Variants in PTPN4 observed in about 807,000 individuals in gnomAD.
The protein encoded by PTPN4 is protein tyrosine phosphatase non-receptor type 4.
PTPN4 carries 49 observed loss-of-function variants against 135.5 expected under a neutral mutation model. That is an observed-to-expected ratio of 0.36 (90% CI 0.29 to 0.46). The LOEUF (loss-of-function observed/expected upper bound fraction) is 0.46. Among genes scored for constraint, PTPN4 ranks in the 20% least tolerant of loss-of-function variants. The pLI, the probability that PTPN4 is intolerant of heterozygous loss-of-function variation, is 1.00. For synonymous variants in PTPN4, 333 were observed against 369.9 expected (o/e 0.90, Z 1.14); for missense variants, 860 against 1,101.0 (o/e 0.78, Z 3.10).
At chr2:119,866,201 A>G (rs1252634630) in intron 3 of PTPN4, among the ~76,000 whole-genome samples, 1 of 152,110 alleles carries the variant, frequency 6.6e-6, no homozygotes, top group Non-Finnish European at 1.5e-5. Flanking sequence ...CTTTATCAGC[A>G]TGCTATTTAA....
intron 13 of PTPN4, among the ~76,000 whole-genome samples, chr2:119,929,401 T>C (rs1372234309): frequency 6.6e-6 from 1 of 152,120 alleles, no homozygotes; most frequent in East Asian, 1.9e-4. Context: ...AGGCTCCTCC[T>C]TAAACTTCTC....
intron 2 of PTPN4, among the ~76,000 whole-genome samples, chr2:119,844,085 G>A (rs1422735937): frequency 3.0e-5 from 1 of 32,964 alleles, no homozygotes; most frequent in South Asian, 1.2e-3. Context: ...CAGACGGGGC[G>A]GCTGGCCGGG....
chr2:119,772,157 T>G lies in PTPN4; in HGVS notation c.-18+11773T>G, dbSNP rs534084771. 1.5e-4 allele frequency among the ~76,000 whole-genome samples: 23 copies of G among 152,232 alleles called. 1 individual carries two copies. Among genetic ancestry groups the G allele is most frequent in the Admixed American group, 1.3e-3 (20 of 15,290 alleles). On this transcript the variant is annotated intron_variant, in intron 1 of 26. Transcript: ENST00000263708. ...TTGAAATAAGGGAAATCTTTCTAATTTATCTTACTGTTTCCAGCCTAGCAC... is the reference window on the plus strand; with the variant it reads ...TTGAAATAAGGGAAATCTTTCTAATGTATCTTACTGTTTCCAGCCTAGCAC...
intron 2 of PTPN4, among the ~76,000 whole-genome samples, chr2:119,828,567 A>G (rs975245281): frequency 3.3e-5 from 5 of 152,194 alleles, no homozygotes; most frequent in African/African-American, 1.2e-4. Flanking sequence ...CTGTTGGGCA[A>G]TTATCTAAGA....
At chr2:119,953,403 GT>G (rs1018490836) in intron 19 of PTPN4, among the ~76,000 whole-genome samples, 4 of 152,008 alleles carry the variant, frequency 2.6e-5, no homozygotes, top group Admixed American at 2.6e-4. Context: ...ACAAATAGGC[GT>G]TTTCATTTTA....
chr2:119,783,425 T>C (rs1162794565), intron 1 of PTPN4, among the ~76,000 whole-genome samples: 1 of 152,178 alleles, frequency 6.6e-6, no homozygotes, highest in Non-Finnish European at 1.5e-5. Context: ...CTGGGGCAAG[T>C]GTTGAGGTGG....
chr2:119,909,062 A>T (rs1240188428), intron 10 of PTPN4, among the ~76,000 whole-genome samples: 1 of 152,226 alleles, frequency 6.6e-6, no homozygotes. Flanking sequence ...ATGAGGCTTA[A>T]GAAAAGAGGT....
At chr2:119,956,362 C>T (rs1399222674) in intron 20 of PTPN4, among the ~76,000 whole-genome samples, 1 of 150,072 alleles carries the variant, frequency 6.7e-6, no homozygotes, top group African/African-American at 2.4e-5. Context: ...TACAGGCATG[C>T]ACAGCCATGC....
intron 26 of PTPN4, among the ~76,000 whole-genome samples, chr2:119,970,547 A>C (rs976891196): frequency 3.3e-5 from 5 of 152,064 alleles, no homozygotes; most frequent in African/African-American, 1.2e-4. Context: ...CTTTTATATG[A>C]ATGAGATCAT....
In PTPN4 at chr2:119,793,846, G is replaced by GT. The variant is rs55956611; in HGVS notation, c.-17-15962dup. On this transcript the variant is annotated intron_variant, in intron 1 of 26. Transcript: ENST00000263708. ...AGTTTGTTTATTTGTTTCATTTTTAGTTTTTTTTTTTTTTTTTTTTTTTTT... is the reference window on the plus strand; with the variant it reads ...AGTTTGTTTATTTGTTTCATTTTTAGTTTTTTTTTTTTTTTTTTTTTTTTTT... 1.0e-3 allele frequency among the ~76,000 whole-genome samples: 26 copies of GT among 24,804 alleles called. 3 individuals are homozygous for GT. The highest frequency in any genetic ancestry group is 8.3e-3 in the South Asian group (2 of 240). The allele number at this position is 24,804 out of a possible 152,430, so 16.3% of individuals were successfully genotyped here.
chr2:119,949,910 T>C (rs1261905691), intron 18 of PTPN4, among the ~76,000 whole-genome samples: 1 of 151,818 alleles, frequency 6.6e-6, no homozygotes, highest in Non-Finnish European at 1.5e-5. Flanking sequence ...CTCAAACATA[T>C]ATTTGAGCAA....
rs1300989824 is a variant in PTPN4, at chr2:119,955,195, C to T, written c.1852C>T (p.Pro618Ser). 2.5e-6 allele frequency: 4 copies of T among 1,611,190 alleles called. No individual in the cohort carries two copies. Among genetic ancestry groups the T allele is most frequent in the Non-Finnish European group, 2.5e-6 (3 of 1,179,074 alleles). ...DVVEEKLENE[P>S]DFQYIPEKAP... The stretch of plus-strand genomic sequence containing the variant: ...AGTGGAAGAAAAGCTAGAAAATGAG[C>T]CAGATTTCCAGTATATTCCTGAGAA... The change falls in exon 20 of 27, where the codon CCA becomes TCA. Residue 618 changes from proline (P) to serine (S), a missense_variant. Coordinates refer to ENST00000263708, the MANE Select transcript of PTPN4 (RefSeq NM_002830.4).
chr2:119,851,584 T>C (rs751563322), intron 2 of PTPN4, among the ~76,000 whole-genome samples: 90 of 152,200 alleles, frequency 5.9e-4, no homozygotes, highest in Non-Finnish European at 1.1e-3. Context: ...TAGGAAGTTT[T>C]ATACATGCCC....
intron 1 of PTPN4, among the ~76,000 whole-genome samples, chr2:119,778,852 G>C (rs1241520994): frequency 6.6e-6 from 1 of 152,164 alleles, no homozygotes; most frequent in East Asian, 1.9e-4. Flanking sequence ...GTGAATCCCA[G>C]TGTAGGTCCA....
intron 3 of PTPN4, among the ~76,000 whole-genome samples, chr2:119,874,857 C>T (rs76669653): frequency 0.015 from 2,208 of 152,230 alleles, 50 homozygotes; most frequent in African/African-American, 0.05. Context: ...CCAAGTTATC[C>T]TCCATTGAGA....
intron 2 of PTPN4, among the ~76,000 whole-genome samples, chr2:119,822,697 T>C (rs973779978): frequency 6.6e-6 from 1 of 152,214 alleles, no homozygotes; most frequent in African/African-American, 2.4e-5. Context: ...TCTCTCCTTT[T>C]GTTGTTCTTG....
intron 25 of PTPN4, 32 bp from the exon 26 acceptor site, chr2:119,967,805 G>C: frequency 1.3e-6 from 2 of 1,537,710 alleles, no homozygotes; most frequent in Non-Finnish European, 1.8e-6. Context: ...GAATAGTATC[G>C]GTAAGATCTT....
chr2:119,825,246 T>G (rs544042431), intron 2 of PTPN4, among the ~76,000 whole-genome samples: 47 of 152,300 alleles, frequency 3.1e-4, no homozygotes, highest in Non-Finnish European at 6.2e-4. Context: ...ATATCCAGAT[T>G]AATATTACCG....
chr2:119,776,526 A>G (rs1000957348), intron 1 of PTPN4, among the ~76,000 whole-genome samples: 3 of 152,146 alleles, frequency 2.0e-5, no homozygotes, highest in East Asian at 3.9e-4. Flanking sequence ...AGAAATTACT[A>G]TGTATTTCTG....
Sources: allele counts gnomAD v4.1 joint callset (sites outside exome capture counted in the v4.1 genomes callset), GRCh38; gene constraint gnomAD v4.1.1; transcripts MANE v1.5; gene names NCBI Gene and HGNC (gene_info 2026-07-23, HGNC 2026-07-21).